PDGFA: variants seen among roughly 807,000 people sequenced by gnomAD.
PDGFA encodes the protein platelet derived growth factor subunit A, also known as platelet-derived growth factor subunit A.
In PDGFA, 9 loss-of-function variants were observed where a neutral mutation model predicts 25.6. The ratio of observed to expected loss-of-function variants is 0.35; its 90% confidence interval spans 0.21 to 0.61. PDGFA has a LOEUF of 0.61. Ranked by LOEUF, PDGFA falls within the 20% of genes least tolerant of loss-of-function variation. PDGFA has a pLI of 0.75. For synonymous variants in PDGFA, 133 were observed against 111.8 expected (o/e 1.19, Z -1.20); for missense variants, 242 against 272.8 (o/e 0.89, Z 0.79).
Position 510,106 on chromosome 7 carries a change from C to T in PDGFA, c.453+703G>A, listed in dbSNP as rs140167297. 4.5e-3 allele frequency among the ~76,000 whole-genome samples: 679 copies of T among 152,302 alleles called. 4 individuals are homozygous for T. The highest frequency in any genetic ancestry group is 0.015 in the African/African-American group (644 of 41,568). ...AGCCCGCACAGGACCCTCCAGGGCC[C>T]GGGGACGCCAGACAGCTTCCGGCTA... On this transcript the variant is annotated intron_variant, in intron 4 of 5. Transcript: ENST00000402802.
chr7:515,872 G>A (rs1359798267), intron 2 of PDGFA, among the ~76,000 whole-genome samples: 3 of 152,134 alleles, frequency 2.0e-5, no homozygotes, highest in African/African-American at 7.2e-5. Flanking sequence ...GGGGGTGGAG[G>A]AGGCGGGGCG....
At chr7:498,673 T>A in intron 5 of PDGFA, 99 bp from the exon 6 acceptor site, 1 of 1,138,098 alleles carries the variant, frequency 8.8e-7, no homozygotes, top group Non-Finnish European at 1.3e-6. Flanking sequence ...TGAAAACATT[T>A]AACCCAATCA....
chr7:503,136 A>G (rs1436368974), intron 4 of PDGFA, among the ~76,000 whole-genome samples: 1 of 152,016 alleles, frequency 6.6e-6, no homozygotes, highest in Non-Finnish European at 1.5e-5. Context: ...TACAGAACAA[A>G]CTGAGGCGCA....
At chr7:508,315 G>C (rs1008326628) in intron 4 of PDGFA, among the ~76,000 whole-genome samples, 3 of 151,948 alleles carry the variant, frequency 2.0e-5, no homozygotes, top group African/African-American at 7.3e-5. Context: ...TCCAGGAAAA[G>C]CAGGCTCAGC....
At chr7:499,510 C>T (rs543544615) in intron 5 of PDGFA, among the ~76,000 whole-genome samples, 17 of 152,356 alleles carry the variant, frequency 1.1e-4, no homozygotes, top group Admixed American at 7.2e-4. Context: ...CCAAGCCAGA[C>T]GGGCCAATGC....
rs558330747 is a variant in PDGFA, at chr7:518,141, G to A, written c.64-651C>T. On this transcript the variant is annotated intron_variant, in intron 1 of 5. Coordinates refer to ENST00000402802, the Ensembl canonical transcript of PDGFA. ...GCGGCCGGGAGAAGAAGCCTCCAGG[G>A]AAAGCGAGGGTTAAACTTCCACCTC... is the stretch of plus-strand genomic sequence containing the variant. Among the ~76,000 whole-genome samples, 71 of 152,298 alleles carry A rather than the reference G, an allele frequency of 4.7e-4. 1 individual carries two copies. In the East Asian group the frequency reaches 0.014, roughly 29 times the overall value.
In PDGFA at chr7:512,161, G is replaced by A. The variant is rs1015750271; in HGVS notation, c.265+190C>T. Among the ~76,000 whole-genome samples, 10 of 152,286 alleles carry A rather than the reference G, an allele frequency of 6.6e-5. 1 individual carries two copies. The highest frequency in any genetic ancestry group is 6.2e-4 in the South Asian group (3 of 4,832). ...GACACCCTCGAAGGAGGGAGGCCTCGGGAGAGGCCAGAGCCAGAGGCACCA... is the reference window on the plus strand; with the variant it reads ...GACACCCTCGAAGGAGGGAGGCCTCAGGAGAGGCCAGAGCCAGAGGCACCA... On this transcript the variant is annotated intron_variant, in intron 3 of 5. Transcript: ENST00000402802.
At chr7:515,778 C>T (rs1324236201) in intron 2 of PDGFA, among the ~76,000 whole-genome samples, 1 of 151,814 alleles carries the variant, frequency 6.6e-6, no homozygotes, top group African/African-American at 2.4e-5. Flanking sequence ...TTTTTCTGTT[C>T]GGACCCTACG....
At chr7:520,634 C>T (rs1783329751), upstream of PDGFA, 1 of 152,266 alleles carries the variant, frequency 6.6e-6, no homozygotes, top group African/African-American at 2.4e-5. Context: ...CGGTGAGGGT[C>T]CCCCGGGTTC....
intron 3 of PDGFA, 27 bp from the exon 4 acceptor site, chr7:511,023 G>C: frequency 1.3e-6 from 2 of 1,593,770 alleles, no homozygotes; most frequent in Non-Finnish European, 1.7e-6. Context: ...ACAGTGAGCG[G>C]GGACCGGCCT....
intron 4 of PDGFA, among the ~76,000 whole-genome samples, chr7:508,694 G>C (rs1227533407): frequency 1.3e-5 from 2 of 151,860 alleles, no homozygotes; most frequent in East Asian, 3.9e-4. Context: ...GGTCCTGCAG[G>C]TCAGGTGGGA....
chr7:510,772 G>GGGAGGGGAGGGGAGA, intron 4 of PDGFA, 37 bp downstream of exon 4: 1 of 366,564 alleles, frequency 2.7e-6, no homozygotes, highest in Non-Finnish European at 4.7e-6. Flanking sequence ...AGGAGAGGAG[G>GGGAGGGGAGGGGAGA]GGAGGGGAGG....
At chr7:503,395 G>A (rs566649912) in intron 4 of PDGFA, among the ~76,000 whole-genome samples, 4 of 152,174 alleles carry the variant, frequency 2.6e-5, no homozygotes, top group East Asian at 1.9e-4. Flanking sequence ...GAAAGGAAAC[G>A]GAGGCCGGGT....
chr7:512,036 C>A (rs928005149), intron 3 of PDGFA, among the ~76,000 whole-genome samples: 1 of 152,228 alleles, frequency 6.6e-6, no homozygotes, highest in Non-Finnish European at 1.5e-5. Context: ...CAGGCCCCGA[C>A]AAGACAGGGC....
At chr7:497,959 CAAAAAA>C (rs1166606050) in exon 6 of PDGFA, 2 of 56,688 alleles carry the variant, frequency 3.5e-5, no homozygotes, top group African/African-American at 7.6e-5. Flanking sequence ...AAAAAAAAAA[CAAAAAA>C]AAAAAAAACA....
exon 6 of PDGFA, chr7:497,964 AAAAAAAAAACAAAACAAAAAC>A (rs1782156056): frequency 4.4e-5 from 6 of 134,882 alleles, no homozygotes; most frequent in Admixed American, 3.9e-4. Flanking sequence ...AAAAACAAAA[AAAAAAAAAACAAAACAAAAAC>A]AAAAAAAAAA....
upstream of PDGFA, chr7:519,913 C>CA: frequency 2.7e-5 from 1 of 36,568 alleles, no homozygotes; most frequent in Admixed American, 1.7e-4. Context: ...CCCCCGCCCC[C>CA]GCCCCCCCCC....
chr7:509,868 A>G (rs1782720213), intron 4 of PDGFA, among the ~76,000 whole-genome samples: 1 of 152,112 alleles, frequency 6.6e-6, no homozygotes, highest in African/African-American at 2.4e-5. Flanking sequence ...ACCACCCCCA[A>G]CTTAAAGAAA....
At chr7:519,025 CGGA>C (rs1562495243) in exon 1 of PDGFA, 6 of 1,518,778 alleles carry the variant, frequency 4.0e-6, no homozygotes, top group South Asian at 3.7e-5. Context: ...GCTGGCTGCT[CGGA>C]GGAGAGGCGA....
Sources: allele counts gnomAD v4.1 joint callset (sites outside exome capture counted in the v4.1 genomes callset), GRCh38; gene constraint gnomAD v4.1.1; transcripts MANE v1.5; gene names NCBI Gene and HGNC (gene_info 2026-07-23, HGNC 2026-07-21).